Variants in TMEM117 observed in about 807,000 individuals in gnomAD.
The protein encoded by TMEM117 is transmembrane protein 117.
Under a neutral mutation model 52.4 loss-of-function variants are expected in TMEM117, and 27 were observed. The ratio of observed to expected loss-of-function variants is 0.51; its 90% CI spans 0.38 to 0.71. The LOEUF is 0.71. Among genes scored for constraint, TMEM117 ranks in the 30% least tolerant of loss-of-function variants. TMEM117 has a pLI of 0.00. For missense variants in TMEM117, 556 were observed against 630.5 expected (o/e 0.88, Z 1.26); for synonymous variants, 215 against 206.3 (o/e 1.04, Z -0.36).
intron 5 of TMEM117, among the ~76,000 whole-genome samples, chr12:44,215,087 A>G (rs1174510124): frequency 6.6e-6 from 1 of 152,220 alleles, no homozygotes; most frequent in Non-Finnish European, 1.5e-5. Context: ...TAGTTAAGGA[A>G]AGAGCGATTA....
At chr12:43,804,555 CTT>C in the TMEM117 span, 2 of 1,600,306 alleles carry the variant, frequency 1.2e-6, no homozygotes, top group Non-Finnish European at 1.7e-6. Flanking sequence ...GCAAAGATCT[CTT>C]TAACATCTTC....
intron 3 of TMEM117, among the ~76,000 whole-genome samples, chr12:44,006,686 A>G (rs1435452833): frequency 1.3e-5 from 2 of 152,174 alleles, no homozygotes; most frequent in African/African-American, 4.8e-5. Flanking sequence ...GAAACTTTGA[A>G]TAACCAGATA....
intron 4 of TMEM117, among the ~76,000 whole-genome samples, chr12:44,157,667 C>T (rs1393699625): frequency 1.3e-5 from 2 of 151,920 alleles, no homozygotes; most frequent in Non-Finnish European, 2.9e-5. Context: ...ATTTTCTCTG[C>T]TTATAGAAAT....
intron 3 of TMEM117, among the ~76,000 whole-genome samples, chr12:44,096,472 G>A (rs1237804217): frequency 6.6e-6 from 1 of 151,934 alleles, no homozygotes; most frequent in Admixed American, 6.6e-5. Context: ...TATACTACAG[G>A]GCTACAGTAA....
chr12:44,370,609 C>T (rs1381506762), intron 6 of TMEM117, among the ~76,000 whole-genome samples: 1 of 151,334 alleles, frequency 6.6e-6, no homozygotes, highest in Non-Finnish European at 1.5e-5. Flanking sequence ...CCTCCGCCTC[C>T]TGGGTTCAAG....
At chr12:43,895,633 G>A (rs1284662686) in intron 2 of TMEM117, among the ~76,000 whole-genome samples, 1 of 152,190 alleles carries the variant, frequency 6.6e-6, no homozygotes, top group Non-Finnish European at 1.5e-5. Flanking sequence ...ACTGTCTGAA[G>A]TGGTGGAGAA....
At chr12:43,955,686 T>A (rs1945295157) in intron 3 of TMEM117, among the ~76,000 whole-genome samples, 1 of 152,146 alleles carries the variant, frequency 6.6e-6, no homozygotes, top group South Asian at 2.1e-4. Flanking sequence ...ATAGGAAGAA[T>A]CAATGTCATG....
At chr12:44,312,576 G>A (rs1235741028) in intron 6 of TMEM117, among the ~76,000 whole-genome samples, 1 of 152,060 alleles carries the variant, frequency 6.6e-6, no homozygotes, top group African/African-American at 2.4e-5. Flanking sequence ...ACATATGTGA[G>A]TGCACATGTC....
At chr12:43,905,814 C>T (rs1323263686) in intron 2 of TMEM117, among the ~76,000 whole-genome samples, 1 of 152,144 alleles carries the variant, frequency 6.6e-6, no homozygotes. Context: ...CTGTTTCCTC[C>T]GTGTTGTGAT....
intron 3 of TMEM117, among the ~76,000 whole-genome samples, chr12:44,116,933 A>G (rs1948154478): frequency 1.3e-5 from 2 of 152,272 alleles, no homozygotes; most frequent in South Asian, 4.1e-4. Flanking sequence ...TCTCATCGTA[A>G]CCTTATGAAT....
rs539067328 is a variant in TMEM117 at position 43,847,521 on chromosome 12, G to C, written c.277+2593G>C. 1.1e-3 allele frequency among the ~76,000 whole-genome samples: 162 copies of C among 152,336 alleles called. 2 individuals are homozygous for C. The highest frequency in any genetic ancestry group is 3.4e-3 in the African/African-American group (141 of 41,578). The stretch of plus-strand genomic sequence containing the variant: ...AGGTTTGGAACAGTGGCCCTAGGGA[G>C]TTGGGAAGTGAACTGACTCAGAACA... On this transcript the variant is annotated intron_variant, in intron 2 of 7. Coordinates refer to ENST00000266534, the MANE Select transcript of TMEM117 (RefSeq NM_032256.3).
rs180748138 is a variant in TMEM117 at position 44,090,365 on chromosome 12, T to C, written c.411-53160T>C. Among the ~76,000 whole-genome samples the C allele has an allele frequency of 2.8e-4, 43 of 151,822 alleles. 1 individual carries two copies. The East Asian group carries it at 8.1e-3, about 29-fold the overall frequency. On this transcript the variant is annotated intron_variant, in intron 3 of 7. Transcript: ENST00000266534. ...CTCCAGGGTTTATTGTTCCTGTCTT[T>C]GAGTGCAGGGCCCCTTTTATTTTTA...
intron 2 of TMEM117, among the ~76,000 whole-genome samples, chr12:43,869,046 A>G (rs1943659196): frequency 6.6e-6 from 1 of 152,184 alleles, no homozygotes; most frequent in African/African-American, 2.4e-5. Flanking sequence ...TAAAAAGTAC[A>G]GGGAATGCCA....
chr12:44,393,902 C>A (rs1029432127), downstream of TMEM117, among the ~76,000 whole-genome samples: 4 of 152,150 alleles, frequency 2.6e-5, no homozygotes, highest in Non-Finnish European at 4.4e-5. Context: ...TGTCTCAATA[C>A]AATTCCTAGC....
intron 3 of TMEM117, among the ~76,000 whole-genome samples, chr12:44,122,475 C>T (rs948129616): frequency 1.9e-4 from 29 of 152,090 alleles, no homozygotes; most frequent in African/African-American, 6.8e-4. Context: ...AAACATGTGC[C>T]ATGGTGGTTT....
chr12:44,150,394 G>C (rs1003300350), intron 4 of TMEM117, among the ~76,000 whole-genome samples: 24 of 152,064 alleles, frequency 1.6e-4, no homozygotes, highest in African/African-American at 5.8e-4. Context: ...CTGATCTCCT[G>C]GGACTGTGCT....
intron 3 of TMEM117, among the ~76,000 whole-genome samples, chr12:44,042,761 TACACACAC>T (rs61350418): frequency 0.092 from 12,142 of 132,054 alleles, 573 homozygotes; most frequent in Middle Eastern, 0.12. Flanking sequence ...CTTAATAAAC[TACACACAC>T]ACACACACAC....
chr12:44,258,722 A>G (rs1207341896), intron 5 of TMEM117, among the ~76,000 whole-genome samples: 1 of 152,194 alleles, frequency 6.6e-6, no homozygotes, highest in African/African-American at 2.4e-5. Flanking sequence ...GAATACAGCT[A>G]TCCTTGAGAA....
intron 6 of TMEM117, among the ~76,000 whole-genome samples, chr12:44,367,725 A>G (rs1451429886): frequency 2.6e-5 from 4 of 152,124 alleles, no homozygotes; most frequent in Non-Finnish European, 5.9e-5. Flanking sequence ...AAGCCCTGCC[A>G]TATTAGCATA....
Sources: gnomAD v4.1 joint callset for allele counts (sites outside exome capture counted in the v4.1 genomes callset) on GRCh38, gnomAD v4.1.1 for gene constraint, MANE v1.5 for transcripts, NCBI Gene and HGNC (gene_info 2026-07-23, HGNC 2026-07-21) for gene names.